Variants in ESR2 observed in about 807,000 individuals in gnomAD.
ESR2 encodes estrogen receptor beta.
A neutral mutation model predicts 49.6 loss-of-function variants in ESR2; 36 were observed. That is an observed-to-expected ratio of 0.73 (90% CI 0.56 to 0.96). The LOEUF is 0.96. ESR2 is among the 40% of genes least tolerant of loss of function. ESR2 has a pLI of 0.00. For synonymous variants in ESR2, 320 were observed against 266.1 expected (o/e 1.20, Z -1.97); for missense variants, 714 against 693.0 (o/e 1.03, Z -0.34).
At chr14:64,332,873 C>CT (rs150273193) in intron 1 of ESR2, among the ~76,000 whole-genome samples, 7,374 of 128,640 alleles carry the variant, frequency 0.057, 632 homozygotes, top group East Asian at 0.44. Flanking sequence ...AATCACAAAT[C>CT]TTTTTTTTTT....
chr14:64,292,042 C>A (rs2076880137), intron 1 of ESR2, among the ~76,000 whole-genome samples: 1 of 152,076 alleles, frequency 6.6e-6, no homozygotes, highest in African/African-American at 2.4e-5. Context: ...GCTTAAACCA[C>A]AATAGAATCT....
upstream of ESR2, among the ~76,000 whole-genome samples, chr14:64,295,556 G>A (rs2076945672): frequency 6.6e-6 from 1 of 152,142 alleles, no homozygotes; most frequent in Non-Finnish European, 1.5e-5. Context: ...AGGTTGAAAG[G>A]CAGAGTCTCC....
Position 64,257,375 on chromosome 14 carries a change from C to T in ESR2, c.953-11G>A, listed in dbSNP as rs1343813991. On this transcript the variant is annotated splice_polypyrimidine_tract_variant and intron_variant, in intron 5 of 8. Transcript: ENST00000341099. ...TGAGCTCCACAAAGCCTGGGGAAAGCAAGAGGCGGTGAGACACCCCCACCC... is the reference window on the plus strand; with the variant it reads ...TGAGCTCCACAAAGCCTGGGGAAAGTAAGAGGCGGTGAGACACCCCCACCC... 1 of 1,612,386 alleles carries T rather than the reference C, an allele frequency of 6.2e-7. No homozygotes were observed. The highest frequency in any genetic ancestry group is 1.3e-5 in the African/African-American group (1 of 74,976).
intron 1 of ESR2, among the ~76,000 whole-genome samples, chr14:64,327,860 C>T (rs926741220): frequency 2.0e-5 from 3 of 151,208 alleles, no homozygotes; most frequent in Non-Finnish European, 4.4e-5. Flanking sequence ...CAGAGCAAGC[C>T]TCCATCTCAA....
At chr14:64,297,981 T>G (rs1362851816), upstream of ESR2, among the ~76,000 whole-genome samples, 1 of 152,212 alleles carries the variant, frequency 6.6e-6, no homozygotes, top group Non-Finnish European at 1.5e-5. Flanking sequence ...CTTATGGAAT[T>G]AATAAAGGGG....
intron 7 of ESR2, among the ~76,000 whole-genome samples, chr14:64,238,265 G>T (rs2075647743): frequency 6.6e-6 from 1 of 152,142 alleles, no homozygotes; most frequent in Admixed American, 6.5e-5. Flanking sequence ...TCCACCTGGG[G>T]CCCAGAGTCC....
At chr14:64,309,011 T>G (rs541062060) in intron 1 of ESR2, among the ~76,000 whole-genome samples, 1 of 150,694 alleles carries the variant, frequency 6.6e-6, no homozygotes, top group South Asian at 2.1e-4. Flanking sequence ...GAAAAGAAAA[T>G]GAAAAGAAAA....
intron 6 of ESR2, among the ~76,000 whole-genome samples, chr14:64,256,237 A>G (rs2076092787): frequency 6.6e-6 from 1 of 152,206 alleles, no homozygotes. Context: ...GTATTTTTAT[A>G]CAGTCCAGCT....
intron 1 of ESR2, among the ~76,000 whole-genome samples, chr14:64,337,687 CAAAA>C (rs1008953268): frequency 1.3e-5 from 2 of 151,892 alleles, no homozygotes; most frequent in African/African-American, 2.4e-5. Context: ...GTTAATCAAA[CAAAA>C]AAGAGATTAT....
Position 64,249,582 on chromosome 14 carries a change from A to T in ESR2, c.1189T>A (p.Tyr397Asn). Residue 397 changes from tyrosine (Y) to asparagine (N), a missense_variant, in exon 7 of 9, where the codon TAT (tyrosine) becomes AAT (asparagine). By Grantham distance (143) the Tyr-to-Asn change is moderately radical. Transcript: ENST00000341099. Reference protein sequence around the residue: ...FRELKLQHKEYLCVKAMILLN... With the variant: ...FRELKLQHKENLCVKAMILLN... ...AGGATCATGGCCTTGACACAGAGAT[A>T]TTCTTTGTGTTGGAGTTTTAACTCT... 6.2e-7 allele frequency: 1 copy of T among 1,613,820 alleles called. No homozygotes were observed. Among genetic ancestry groups the T allele is most frequent in the Non-Finnish European group, 8.5e-7 (1 of 1,179,732 alleles).
chr14:64,233,523 C>T (rs1157648230), intron 8 of ESR2, 200 bp from the exon 9 acceptor site: 3 of 567,560 alleles, frequency 5.3e-6, no homozygotes, highest in East Asian at 5.6e-5. Flanking sequence ...TCTTGTCAGC[C>T]TCTGTGTCCC....
At chr14:64,338,595 C>A (rs903668856), upstream of ESR2, 34 of 146,884 alleles carry the variant, frequency 2.3e-4, no homozygotes, top group Non-Finnish European at 4.0e-4. Flanking sequence ...GGGAGACTCG[C>A]CGCCCGAACC....
At chr14:64,335,291 C>G (rs2077514885) in intron 1 of ESR2, among the ~76,000 whole-genome samples, 1 of 152,166 alleles carries the variant, frequency 6.6e-6, no homozygotes, top group African/African-American at 2.4e-5. Context: ...ATTAGATAAC[C>G]TGACTTTATC....
At chr14:64,334,617 C>T (rs1430813122) in intron 1 of ESR2, among the ~76,000 whole-genome samples, 1 of 152,200 alleles carries the variant, frequency 6.6e-6, no homozygotes, top group Non-Finnish European at 1.5e-5. Flanking sequence ...TTAGCCACCA[C>T]CTTTGGAAGG....
intron 8 of ESR2, chr14:64,233,578 ATTG>A (rs1779851846): frequency 4.4e-6 from 2 of 452,762 alleles, no homozygotes; most frequent in South Asian, 4.6e-5. Flanking sequence ...ATCAATCCTC[ATTG>A]TTTGCGGTAA....
At chr14:64,310,398 T>C (rs185857751) in intron 1 of ESR2, among the ~76,000 whole-genome samples, 36 of 151,846 alleles carry the variant, frequency 2.4e-4, no homozygotes, top group Admixed American at 2.1e-3. Flanking sequence ...CCATTGATTA[T>C]GTAACTATAA....
rs186088938 is a variant in ESR2 at position 64,310,716 on chromosome 14, C to T, written c.-91+27182G>A. Among the ~76,000 whole-genome samples, 8 of 152,100 alleles carry T rather than the reference C, an allele frequency of 5.3e-5. No homozygotes were observed. In the East Asian group the frequency reaches 1.2e-3, roughly 22 times the overall value. On this transcript the variant is annotated intron_variant, in intron 1 of 8. Coordinates refer to the ESR2 transcript ENST00000358599. The stretch of plus-strand genomic sequence containing the variant: ...GGAACTCCTGACCTCGTGATCTGCC[C>T]GCCTCGGCCTCCCAAAGTGCTGGGA...
chr14:64,287,024 G>GTT (rs61331470), intron 1 of ESR2, among the ~76,000 whole-genome samples: 5 of 141,228 alleles, frequency 3.5e-5, no homozygotes, highest in Non-Finnish European at 6.3e-5. Context: ...GCCTGAAGTT[G>GTT]TTTTTTTTTT....
chr14:64,321,676 T>C (rs2077325844), intron 1 of ESR2, among the ~76,000 whole-genome samples: 1 of 152,070 alleles, frequency 6.6e-6, no homozygotes, highest in Admixed American at 6.6e-5. Context: ...AGGCAATTTG[T>C]AGAAAAGAAA....
Sources: allele counts gnomAD v4.1 joint callset (sites outside exome capture counted in the v4.1 genomes callset), GRCh38; gene constraint gnomAD v4.1.1; transcripts MANE v1.5; gene names NCBI Gene and HGNC (gene_info 2026-07-23, HGNC 2026-07-21).